Variants in HERC6 observed in about 807,000 individuals in gnomAD.
The protein encoded by HERC6 is probable E3 ubiquitin-protein ligase HERC6.
A neutral mutation model predicts 114.5 loss-of-function variants in HERC6; 101 were observed. The ratio of observed to expected loss-of-function variants is 0.88; its 90% CI spans 0.75 to 1.04. The LOEUF (loss-of-function observed/expected upper bound fraction) is 1.04, where lower values mean the gene tolerates loss of function less well. Ranked by LOEUF, HERC6 falls within the 50% of genes least tolerant of loss-of-function variation. HERC6 has a pLI of 0.00. For synonymous variants in HERC6, 408 were observed against 436.2 expected (o/e 0.94, Z 0.81); for missense variants, 1,133 against 1,230.9 (o/e 0.92, Z 1.19).
At chr4:88,420,850 C>A (rs7686081) in intron 13 of HERC6, among the ~76,000 whole-genome samples, 122,290 of 151,672 alleles carry the variant, frequency 0.81, 50,145 homozygotes, top group East Asian at 0.99. Context: ...AACCTTTACC[C>A]AAATCAACTT....
intron 8 of HERC6, among the ~76,000 whole-genome samples, chr4:88,401,458 T>G (rs1174108062): frequency 7.3e-6 from 1 of 137,162 alleles, no homozygotes; most frequent in Non-Finnish European, 1.5e-5. Flanking sequence ...GCCACTGCAC[T>G]CCAGCCTGGG....
intron 1 of HERC6, among the ~76,000 whole-genome samples, chr4:88,379,839 ATATATAAATATATATATAG>A (rs1318066174): frequency 1.3e-5 from 1 of 74,578 alleles, no homozygotes; most frequent in African/African-American, 5.6e-5. Context: ...AATATATATA[ATATATAAATATATATATAG>A]CATATAAATA....
At position 88,398,841 on chromosome 4, in the gene HERC6, C is replaced by T. The variant is rs1348897806; in HGVS notation, c.1092+632C>T. 3 of 152,304 alleles carry T rather than the reference C, an allele frequency of 2.0e-5. No homozygotes were observed. The East Asian group carries it at 5.8e-4, about 29-fold the overall frequency. The allele number at this position is 152,304 out of a possible 1,614,324, so 9.4% of individuals were successfully genotyped here. On this transcript the variant is annotated intron_variant, in intron 8 of 22. Coordinates refer to ENST00000264346, the MANE Select transcript of HERC6 (RefSeq NM_017912.4). Reference sequence around the variant, plus strand: ...TTCAAATGGATCAAGATGTTTAATGCTCATATCAACTCTCGTTGATTTTAT... The same window carrying T: ...TTCAAATGGATCAAGATGTTTAATGTTCATATCAACTCTCGTTGATTTTAT...
In HERC6 at chr4:88,417,356, C is replaced by A; in HGVS notation, c.1559-69C>A. On this transcript the variant is annotated intron_variant, in intron 12 of 22. Transcript: ENST00000264346. ...TTATCTATTTCTTACATTAAAGAAC[C>A]CACTAGAAACAGAGATTTGGGGGGT... 3 of 1,371,326 alleles carry A rather than the reference C, an allele frequency of 2.2e-6. No individual in the cohort carries two copies. In the Admixed American group the frequency reaches 6.3e-5, roughly 29 times the overall value. 84.9% of individuals were successfully genotyped at this position (1,371,326 alleles called of 1,614,324 possible).
At chr4:88,425,953 A>C (rs974544178) in intron 15 of HERC6, among the ~76,000 whole-genome samples, 1 of 152,202 alleles carries the variant, frequency 6.6e-6, no homozygotes, top group Non-Finnish European at 1.5e-5. Context: ...TGGGTGAAAC[A>C]TAAGAAGTCT....
chr4:88,415,633 GA>G (rs1221313867), intron 12 of HERC6, among the ~76,000 whole-genome samples: 4 of 151,788 alleles, frequency 2.6e-5, no homozygotes, highest in Non-Finnish European at 5.9e-5. Context: ...CCATTCTGAG[GA>G]AAAAAAACTT....
chr4:88,404,172 G>A (rs1310018532), intron 8 of HERC6, among the ~76,000 whole-genome samples: 1 of 151,342 alleles, frequency 6.6e-6, no homozygotes, highest in Non-Finnish European at 1.5e-5. Flanking sequence ...CCATGTTGTA[G>A]CATGTGTCAG....
At chr4:88,387,093 T>A (rs1374528673) in intron 3 of HERC6, among the ~76,000 whole-genome samples, 1 of 152,210 alleles carries the variant, frequency 6.6e-6, no homozygotes, top group African/African-American at 2.4e-5. Flanking sequence ...TTCACATAAT[T>A]ACCTTACAAA....
chr4:88,417,356 C>T, intron 12 of HERC6, 69 bp from the exon 13 acceptor site: 1 of 1,371,330 alleles, frequency 7.3e-7, no homozygotes, highest in Non-Finnish European at 1.0e-6. Context: ...ATTAAAGAAC[C>T]CACTAGAAAC....
At chr4:88,435,061 G>C (rs890321902) in intron 17 of HERC6, among the ~76,000 whole-genome samples, 10 of 152,148 alleles carry the variant, frequency 6.6e-5, no homozygotes, top group African/African-American at 2.4e-4. Context: ...GGTTGGCATT[G>C]GAATTGAATC....
intron 17 of HERC6, among the ~76,000 whole-genome samples, chr4:88,435,071 C>A (rs182572412): frequency 2.6e-5 from 4 of 152,140 alleles, no homozygotes; most frequent in African/African-American, 4.8e-5. Flanking sequence ...GGAATTGAAT[C>A]CCAAAATTTT....
At chr4:88,413,407 A>G (rs1282330535) in intron 12 of HERC6, 141 bp downstream of exon 12, 2 of 617,784 alleles carry the variant, frequency 3.2e-6, no homozygotes, top group Non-Finnish European at 5.5e-6. Context: ...AAGATTAATA[A>G]TCTAAAGCTA....
chr4:88,437,967 C>T (rs961810439), intron 20 of HERC6, among the ~76,000 whole-genome samples, 186 bp downstream of exon 20: 10 of 151,910 alleles, frequency 6.6e-5, no homozygotes, highest in Non-Finnish European at 1.3e-4. Context: ...GGCGAAACCC[C>T]GTCTCTACTA....
intron 1 of HERC6, among the ~76,000 whole-genome samples, chr4:88,381,583 G>A (rs1326834867): frequency 5.5e-5 from 8 of 146,038 alleles, no homozygotes; most frequent in African/African-American, 2.0e-4. Flanking sequence ...TTTTGAGATG[G>A]GGTTTTGCCC....
chr4:88,405,532 C>T, intron 9 of HERC6, 22 bp from the exon 10 acceptor site: 1 of 1,430,866 alleles, frequency 7.0e-7, no homozygotes, highest in South Asian at 1.3e-5. Flanking sequence ...TTGTGACTTA[C>T]CCCTTGTTAT....
At chr4:88,386,204 T>C (rs531502009) in intron 3 of HERC6, among the ~76,000 whole-genome samples, 219 of 150,780 alleles carry the variant, frequency 1.5e-3, no homozygotes, top group African/African-American at 5.0e-3. Flanking sequence ...CTTTTCTTTT[T>C]TTTTTTTTTT....
At chr4:88,437,152 G>T (rs1738845766) in intron 19 of HERC6, among the ~76,000 whole-genome samples, 181 bp downstream of exon 19, 1 of 151,832 alleles carries the variant, frequency 6.6e-6, no homozygotes, top group Non-Finnish European at 1.5e-5. Flanking sequence ...CGCCTCCTGG[G>T]TTCAAGTGAT....
chr4:88,403,571 G>C (rs1170413168), intron 8 of HERC6, among the ~76,000 whole-genome samples: 1 of 152,026 alleles, frequency 6.6e-6, no homozygotes, highest in Non-Finnish European at 1.5e-5. Flanking sequence ...TGGCTAACGC[G>C]GTGAAACCCC....
chr4:88,388,619 G>T (rs1398303995), intron 3 of HERC6, among the ~76,000 whole-genome samples: 1 of 151,792 alleles, frequency 6.6e-6, no homozygotes, highest in Admixed American at 6.6e-5. Flanking sequence ...ATGCATAGGG[G>T]AGAACCATAG....
Sources: allele counts gnomAD v4.1 joint callset (sites outside exome capture counted in the v4.1 genomes callset), GRCh38; gene constraint gnomAD v4.1.1; transcripts MANE v1.5; gene names NCBI Gene and HGNC (gene_info 2026-07-23, HGNC 2026-07-21).